The following RNF213 variants were observed in gnomAD, a reference collection of about 807,000 sequenced individuals.
RNF213 encodes E3 ubiquitin-protein ligase RNF213.
Under a neutral mutation model 514.4 loss-of-function variants are expected in RNF213, and 341 were observed. The ratio of observed to expected loss-of-function variants is 0.66; its 90% CI spans 0.61 to 0.73. RNF213 has a LOEUF of 0.73. Ranked by LOEUF, RNF213 falls within the 30% of genes least tolerant of loss-of-function variation. The pLI, the probability that RNF213 is intolerant of heterozygous loss-of-function variation, is 0.00. For synonymous variants in RNF213, 2,655 were observed against 2,658.2 expected (o/e 1.00, Z 0.04); for missense variants, 5,767 against 6,615.6 (o/e 0.87, Z 4.45).
Position 80,380,926 on chromosome 17 carries a change from T to G in RNF213, c.13736T>G (p.Phe4579Cys), listed in dbSNP as rs762369786. Residue 4579 changes from phenylalanine to cysteine, a missense_variant, in exon 56 of 68, where the codon TTC becomes TGC. Physicochemically the swap from Phe to Cys is radical, Grantham distance 205. Transcript: ENST00000582970. Reference protein sequence around the residue: ...TCDRGLPPVVFLLIRLLTHLA... With the variant: ...TCDRGLPPVVCLLIRLLTHLA... ...GACCGAGGGCTGCCCCCAGTGGTCT[T>G]CCTCCTTATCCGGCTACTCACTCAC... The G allele has an allele frequency of 8.7e-6, 14 of 1,614,034 alleles. No individual in the cohort carries two copies. The highest frequency in any genetic ancestry group is 3.3e-5 in the Admixed American group (2 of 60,004).
chr17:80,398,753 AAGAG>A lies in RNF213; in HGVS notation c.*5257_*5260del, dbSNP rs1022640207. ...AGAGACAGAGGCAAAAGGAAAGTCAAAGAGAAAGAGACAGAAAATCAAGAGGAAA... is the reference window on the plus strand; with the variant it reads ...AGAGACAGAGGCAAAAGGAAAGTCAAAAAGAGACAGAAAATCAAGAGGAAA... On this transcript the variant is annotated 3_prime_UTR_variant, in exon 68 of 68. Coordinates refer to ENST00000582970, the MANE Select transcript of RNF213 (RefSeq NM_001256071.3). 1 of 152,174 alleles carries A rather than the reference AAGAG, an allele frequency of 6.6e-6. No homozygotes were observed. The highest frequency in any genetic ancestry group is 1.5e-5 in the Non-Finnish European group (1 of 68,048). The allele number at this position is 152,174 out of a possible 1,614,324, so 9.4% of individuals were successfully genotyped here. A position where few individuals can be genotyped will look rare whatever the true frequency, so the allele number is the denominator to read the frequency against.
intron 11 of RNF213, among the ~76,000 whole-genome samples, chr17:80,302,297 G>T (rs1339067103): frequency 6.6e-6 from 1 of 152,100 alleles, no homozygotes; most frequent in East Asian, 1.9e-4. Context: ...CCAACACAAA[G>T]AAATAAATGT....
intron 11 of RNF213, among the ~76,000 whole-genome samples, chr17:80,303,347 T>G (rs1290942949): frequency 1.3e-5 from 2 of 152,184 alleles, no homozygotes; most frequent in African/African-American, 4.8e-5. Context: ...GACCATCCAA[T>G]TGGGAAAGGG....
rs771713613 is a variant in RNF213, at chr17:80,343,933, G to A, written c.6260G>A (p.Trp2087Ter). Residue 2087 changes from tryptophan (W) to a stop codon, truncating the protein, a stop_gained, in exon 28 of 68, where the codon TGG (tryptophan) becomes TAG (stop). Coordinates refer to ENST00000582970, the MANE Select transcript of RNF213 (RefSeq NM_001256071.3). LOFTEE classifies it high-confidence loss of function. This position sits in a 1 kb window ranked among gnomAD's most constrained non-coding sequence, Gnocchi z 4.3. ...TTAATGGATATAAATGGGAAAATGT[G>A]GCTTCGGAACCCCTGCCATTTGTAT... ...QYLMDINGKM[W>*]LRNPCHLYIV... 32 of 1,614,150 alleles carry A rather than the reference G, an allele frequency of 2.0e-5. 1 individual carries two copies. The highest frequency in any genetic ancestry group is 2.7e-5 in the Non-Finnish European group (32 of 1,180,012).
At chr17:80,308,882 G>T in intron 13 of RNF213, 136 bp from the exon 14 acceptor site, 1 of 1,036,542 alleles carries the variant, frequency 9.6e-7, no homozygotes, top group Non-Finnish European at 1.5e-6. Context: ...AGATTTTCCA[G>T]ACGTTAACCT....
rs764585188 is a variant in RNF213 at position 80,295,583 on chromosome 17, G to C, written c.1782G>C (p.Leu594=). The C allele has an allele frequency of 1.4e-5, 22 of 1,614,146 alleles. No homozygotes were observed. In the South Asian group the frequency reaches 2.1e-4, roughly 15 times the overall value. The change falls in exon 10 of 68, where the codon CTG becomes CTC. Residue 594 remains leucine, a synonymous_variant. Transcript: ENST00000582970. ...TGAAGAGATACCTGTGGCAACATCT[G>C]AAAAAACACGTGGTACCATTGCCGG... ...KEVKRYLWQH[L]KKHVVPLPDG...
chr17:80,377,542 T>C lies in RNF213; in HGVS notation c.13511-220T>C, dbSNP rs2079810581. On this transcript the variant is annotated intron_variant, in intron 53 of 67. Coordinates refer to ENST00000582970, the MANE Select transcript of RNF213 (RefSeq NM_001256071.3). This position sits in a 1 kb window ranked among gnomAD's most constrained non-coding sequence, Gnocchi z 4.1. ...TATATTCTAATTGCTCTTTACTTGA[T>C]AAAATTAATAAAATTAGACTCAGAC... is the stretch of plus-strand genomic sequence containing the variant. 2 of 626,574 alleles carry C rather than the reference T, an allele frequency of 3.2e-6. No homozygotes were observed. The highest frequency in any genetic ancestry group is 3.6e-5 in the South Asian group (2 of 55,220). The allele number at this position is 626,574 out of a possible 1,614,324, so 38.8% of individuals were successfully genotyped here.
chr17:80,334,043 G>C, intron 21 of RNF213, 62 bp from the exon 22 acceptor site: 1 of 1,531,824 alleles, frequency 6.5e-7, no homozygotes, highest in Non-Finnish European at 8.8e-7. Flanking sequence ...AGTGCTTGCA[G>C]CTCACAGATT....
rs1428858610 is a variant in RNF213 at position 80,325,156 on chromosome 17, C to A, written c.3151C>A (p.Leu1051Met). The A allele has an allele frequency of 6.5e-7, 1 of 1,536,730 alleles. No individual in the cohort carries two copies. The highest frequency in any genetic ancestry group is 2.0e-5 in the Admixed American group (1 of 50,970). The stretch of plus-strand genomic sequence containing the variant: ...CAACTTCGATGACATTTTAAAGCAT[C>A]TGCTCACGTTGGCAGATGTCAAGCA... ...ADNFDDILKHLLTLADVKHVF... is the reference protein window; with the variant it reads ...ADNFDDILKHMLTLADVKHVF... Residue 1051 changes from leucine to methionine, a missense_variant, in exon 18 of 68, where the codon CTG becomes ATG. This residue lies in a region of RNF213 where 516 missense variants were observed against 566.5 expected (regional missense o/e 0.91). Coordinates refer to ENST00000582970, the MANE Select transcript of RNF213 (RefSeq NM_001256071.3).
chr17:80,320,426 C>T (rs7503136), intron 17 of RNF213: 77,785 of 151,810 alleles, frequency 0.51, 21,084 homozygotes, highest in Non-Finnish European at 0.6. Flanking sequence ...GATCCTGGCT[C>T]ACCGCAACCG....
Position 80,332,299 on chromosome 17 carries a change from C to T in RNF213, c.3811C>T (p.Leu1271Phe). 2 of 1,537,200 alleles carry T rather than the reference C, an allele frequency of 1.3e-6. No individual in the cohort carries two copies. The highest frequency in any genetic ancestry group is 1.7e-6 in the Non-Finnish European group (2 of 1,146,908). ...EEESERHILE[L>F]EEVYDYLYQP... ...AGAATCAGAAAGGCACATCCTTGAG[C>T]TTGAAGAGGTGTATGACTATTTGTA... Residue 1271 changes from leucine (L) to phenylalanine (F), a missense_variant, in exon 21 of 68, where the codon CTT (leucine) becomes TTT (phenylalanine). Around this residue, in one of 13 missense-constraint regions of RNF213, gnomAD observed 516 missense variants for 566.5 expected, o/e 0.91. Coordinates refer to ENST00000582970, the MANE Select transcript of RNF213 (RefSeq NM_001256071.3).
rs1049169604 is a variant in RNF213 at position 80,396,457 on chromosome 17, T to G, written c.*2959T>G. The G allele has an allele frequency of 6.6e-6, 1 of 152,106 alleles. No individual in the cohort carries two copies. Among genetic ancestry groups the G allele is most frequent in the East Asian group, 1.9e-4 (1 of 5,194 alleles). The allele number at this position is 152,106 out of a possible 1,614,324, so 9.4% of individuals were successfully genotyped here. A position where few individuals can be genotyped will look rare whatever the true frequency, so the allele number is the denominator to read the frequency against. ...AAGAAAATGTCAGCTCAGGGCCAAGTAGGTAAAGCCACCCAAGTCTAGCCA... is the reference window on the plus strand; with the variant it reads ...AAGAAAATGTCAGCTCAGGGCCAAGGAGGTAAAGCCACCCAAGTCTAGCCA... On this transcript the variant is annotated 3_prime_UTR_variant, in exon 68 of 68. Coordinates refer to ENST00000582970, the MANE Select transcript of RNF213 (RefSeq NM_001256071.3).
chr17:80,319,687 G>T, intron 17 of RNF213: 1 of 1,438,382 alleles, frequency 7.0e-7, no homozygotes. Context: ...AGACTCCAAA[G>T]GTTGACAGAA....
At chr17:80,306,106 G>A (rs2045348453) in intron 11 of RNF213, 146 bp from the exon 12 acceptor site, 1 of 782,500 alleles carries the variant, frequency 1.3e-6, no homozygotes, top group South Asian at 1.5e-5. Flanking sequence ...TGGGATTCAG[G>A]TGTGAGCCAC....
In RNF213 at chr17:80,377,976, G is replaced by C. The variant is rs1456507163; in HGVS notation, c.13545+180G>C. On this transcript the variant is annotated intron_variant, in intron 54 of 67. Transcript: ENST00000582970. This position sits in a 1 kb window ranked among gnomAD's most constrained non-coding sequence, Gnocchi z 4.1. ...AATGGCGCTAAGGGTTTCTAGCCCA[G>C]GGCTTCTCAGACTCAGCACTGTGGA... 3.9e-5 allele frequency among the ~76,000 whole-genome samples: 6 copies of C among 152,180 alleles called. No individual in the cohort carries two copies. The highest frequency in any genetic ancestry group is 1.4e-4 in the African/African-American group (6 of 41,450).
chr17:80,290,832 C>T (rs914397975), intron 7 of RNF213, 104 bp downstream of exon 7: 164 of 1,295,652 alleles, frequency 1.3e-4, no homozygotes, highest in Non-Finnish European at 1.6e-4. Flanking sequence ...TTTTCTGAGA[C>T]GGAGTCTTGC....
chr17:80,354,713 A>G (rs1013073086), intron 36 of RNF213, 137 bp downstream of exon 36: 55 of 1,163,248 alleles, frequency 4.7e-5, no homozygotes, highest in Admixed American at 7.9e-5. Flanking sequence ...TCAAAGCTGT[A>G]AAGTTTTTCC....
At chr17:80,271,472 G>A (rs1034092519) in intron 2 of RNF213, among the ~76,000 whole-genome samples, 1 of 152,174 alleles carries the variant, frequency 6.6e-6, no homozygotes, top group Admixed American at 6.5e-5. Flanking sequence ...AGACAGGGGC[G>A]CAGCTGGGAC....
In RNF213 at chr17:80,368,024, C is replaced by T. The variant is rs142702355; in HGVS notation, c.12036C>T (p.Cys4012=). The T allele has an allele frequency of 2.9e-4, 462 of 1,614,254 alleles. 2 individuals carry two copies. In the South Asian group the frequency reaches 3.6e-3, roughly 12 times the overall value. The change falls in exon 44 of 68, where the codon TGC becomes TGT. Residue 4012 remains cysteine, a synonymous_variant. Coordinates refer to ENST00000582970, the MANE Select transcript of RNF213 (RefSeq NM_001256071.3). ...CAAAGGACCCCGTCTGTCTGCCCTG[C>T]GACCACGTGCACTGCCTGCGCTGCC... ...GDAKDPVCLP[C]DHVHCLRCLR...
Sources: allele counts gnomAD v4.1 joint callset (sites outside exome capture counted in the v4.1 genomes callset), GRCh38; gene constraint gnomAD v4.1.1; regional missense constraint gnomAD v4.1.1; non-coding constraint Gnocchi (gnomAD v3.1); transcripts MANE v1.5; gene names NCBI Gene and HGNC (gene_info 2026-07-23, HGNC 2026-07-21).